The following ASXL3 variants were observed in gnomAD, a reference collection of about 807,000 sequenced individuals.
ASXL3 encodes the protein ASXL transcriptional regulator 3.
ASXL3 carries 34 observed loss-of-function variants against 170.6 expected under a neutral mutation model. The observed-to-expected ratio is 0.20, with a 90% CI of 0.15 to 0.27. The LOEUF (loss-of-function observed/expected upper bound fraction) is 0.27. ASXL3 is among the 10% of genes least tolerant of loss of function. The pLI, the probability that ASXL3 is intolerant of heterozygous loss-of-function variation, is 1.00. For synonymous variants in ASXL3, 1,002 were observed against 989.1 expected, an observed-to-expected ratio of 1.01 and a Z score of -0.24; for missense variants, 2,592 against 2,695.3, an observed-to-expected ratio of 0.96 and a Z score of 0.85.
chr18:33,730,463 G>A (rs1399754659), intron 8 of ASXL3, among the ~76,000 whole-genome samples: 1 of 152,064 alleles, frequency 6.6e-6, no homozygotes, highest in African/African-American at 2.4e-5. Context: ...CTAGCCATTG[G>A]GAACATAGCA....
At chr18:33,586,865 G>C (rs1358627291) in intron 1 of ASXL3, among the ~76,000 whole-genome samples, 1 of 152,116 alleles carries the variant, frequency 6.6e-6, no homozygotes, top group African/African-American at 2.4e-5. Flanking sequence ...GTCATGCATT[G>C]GGCAAAGAAG....
intron 5 of ASXL3, among the ~76,000 whole-genome samples, chr18:33,664,663 G>A (rs1052263860): frequency 6.6e-6 from 1 of 152,076 alleles, no homozygotes; most frequent in Non-Finnish European, 1.5e-5. Context: ...AATATGCCAG[G>A]CATAATTTCT....
chr18:33,733,309 T>G (rs1168951706), intron 9 of ASXL3, among the ~76,000 whole-genome samples: 2 of 152,140 alleles, frequency 1.3e-5, no homozygotes, highest in Admixed American at 1.3e-4. Context: ...TTCACGAGCT[T>G]CTCTTCCCTC....
At chr18:33,698,038 A>G (rs2066800704) in intron 8 of ASXL3, among the ~76,000 whole-genome samples, 1 of 152,090 alleles carries the variant, frequency 6.6e-6, no homozygotes, top group Non-Finnish European at 1.5e-5. Flanking sequence ...AAGAATATGT[A>G]CTATGGTATG....
chr18:33,719,851 C>T (rs1020125715), intron 8 of ASXL3, among the ~76,000 whole-genome samples: 2 of 152,006 alleles, frequency 1.3e-5, no homozygotes, highest in African/African-American at 4.8e-5. Context: ...GATTTTCTGG[C>T]CTCCGGAGGA....
chr18:33,626,947 C>A (rs2145163861), intron 2 of ASXL3: 1 of 153,062 alleles, frequency 6.5e-6, no homozygotes, highest in Non-Finnish European at 1.5e-5. Context: ...GGACAACTTT[C>A]CATGATGATT....
intron 2 of ASXL3, among the ~76,000 whole-genome samples, chr18:33,642,690 A>G (rs538224432): frequency 3.9e-5 from 6 of 152,082 alleles, no homozygotes; most frequent in African/African-American, 1.4e-4. Flanking sequence ...GTATAATTTA[A>G]TAATATATTC....
At chr18:33,730,082 A>G (rs2067417853) in intron 8 of ASXL3, among the ~76,000 whole-genome samples, 1 of 152,144 alleles carries the variant, frequency 6.6e-6, no homozygotes, top group Non-Finnish European at 1.5e-5. Flanking sequence ...CCACTAGTGC[A>G]GTTGTTCTCA....
At chr18:33,683,672 G>T in intron 8 of ASXL3, 104 bp downstream of exon 8, 1 of 1,167,812 alleles carries the variant, frequency 8.6e-7, no homozygotes, top group Non-Finnish European at 1.2e-6. Context: ...AGTAATTTCT[G>T]TAATTTATGC....
Position 33,738,679 on chromosome 18 carries a change from G to A in ASXL3, c.1275G>A (p.Met425Ile), listed in dbSNP as rs1330570133. The change falls in exon 11 of 12, where the codon ATG becomes ATA. Residue 425 changes from methionine (M) to isoleucine (I), a missense_variant. Physicochemically the swap from Met to Ile is conservative, Grantham distance 10 (BLOSUM62 1). Around this residue, in one of 4 missense-constraint regions of ASXL3, gnomAD observed 2,246 missense variants for 2,219.6 expected, o/e 1.01. Transcript: ENST00000269197. ...EPGFCATLCP[M>I]VEIPPKDIMA... ...GTTTCTGTGCTACTCTTTGCCCTAT[G>A]GTAGAAATTCCACCTAAAGATATAA... 1 of 1,613,766 alleles carries A rather than the reference G, an allele frequency of 6.2e-7. No individual in the cohort carries two copies. Among genetic ancestry groups the A allele is most frequent in the Non-Finnish European group, 8.5e-7 (1 of 1,179,866 alleles).
chr18:33,683,309 A>G lies in ASXL3; in HGVS notation c.716-96A>G, dbSNP rs1259812132. The G allele has an allele frequency of 9.4e-6, 10 of 1,061,498 alleles. No individual in the cohort carries two copies. In the East Asian group the frequency reaches 2.5e-4, roughly 26 times the overall value. The allele number at this position is 1,061,498 out of a possible 1,614,324, so 65.8% of individuals were successfully genotyped here. Reference sequence around the variant, plus strand: ...GAAGTAAACATAAAATTGAATATACATGTTCACTAGATATATGTGGCTGTG... The same window carrying G: ...GAAGTAAACATAAAATTGAATATACGTGTTCACTAGATATATGTGGCTGTG... On this transcript the variant is annotated intron_variant, in intron 7 of 11. Coordinates refer to ENST00000269197, the MANE Select transcript of ASXL3 (RefSeq NM_030632.3).
chr18:33,630,370 C>A (rs2065659694), intron 2 of ASXL3, among the ~76,000 whole-genome samples: 1 of 150,946 alleles, frequency 6.6e-6, no homozygotes, highest in South Asian at 2.1e-4. Flanking sequence ...TTTCAGTTTA[C>A]TACAGAAACC....
intron 10 of ASXL3, among the ~76,000 whole-genome samples, chr18:33,736,379 G>A (rs1349981038): frequency 4.0e-5 from 6 of 151,836 alleles, no homozygotes; most frequent in Non-Finnish European, 5.9e-5. Flanking sequence ...TAGCTTTTGT[G>A]CTCTCACATC....
intron 1 of ASXL3, among the ~76,000 whole-genome samples, chr18:33,594,155 A>G (rs1039675376): frequency 6.6e-6 from 1 of 152,190 alleles, no homozygotes; most frequent in Non-Finnish European, 1.5e-5. Flanking sequence ...GACCGAATAT[A>G]AGAGAACAAC....
intron 8 of ASXL3, among the ~76,000 whole-genome samples, chr18:33,697,695 C>T (rs2066794657): frequency 6.6e-6 from 1 of 152,008 alleles, no homozygotes; most frequent in South Asian, 2.1e-4. Context: ...GCAATTTTCT[C>T]ACACAGCTGA....
At chr18:33,696,801 A>C (rs752888636) in intron 8 of ASXL3, among the ~76,000 whole-genome samples, 5 of 152,130 alleles carry the variant, frequency 3.3e-5, no homozygotes, top group African/African-American at 4.8e-5. Flanking sequence ...TTCTATCCAA[A>C]GCCTAACTGA....
chr18:33,738,244 C>A (rs1380680104), intron 10 of ASXL3, among the ~76,000 whole-genome samples: 2 of 152,060 alleles, frequency 1.3e-5, no homozygotes, highest in African/African-American at 4.8e-5. Flanking sequence ...AGGCTCCTAT[C>A]TCCTTGCTTT....
At position 33,739,387 on chromosome 18, in the gene ASXL3, A is replaced by G; in HGVS notation, c.1983A>G (p.Lys661=). 6.2e-7 allele frequency: 1 copy of G among 1,613,850 alleles called. No individual in the cohort carries two copies. The part of the protein sequence containing the change: ...SEVSSTENTD[K]YNQRNSTDEN... ...TATCTAGCACTGAAAATACAGACAA[A>G]TACAACCAGAGAAATTCCACTGATG... The change falls in exon 11 of 12, where the codon AAA becomes AAG. Residue 661 remains lysine (K), a synonymous_variant. Coordinates refer to ENST00000269197, the MANE Select transcript of ASXL3 (RefSeq NM_030632.3).
chr18:33,607,757 A>G lies in ASXL3; in HGVS notation c.137+81A>G. ...GTTGCTAAGCGATAGGTGTATCTAG[A>G]TTTTGATATTGTAGTTGATTGTGAA... On this transcript the variant is annotated intron_variant, in intron 2 of 11. Coordinates refer to ENST00000269197, the MANE Select transcript of ASXL3 (RefSeq NM_030632.3). 1.9e-6 allele frequency: 2 copies of G among 1,033,450 alleles called. 1 individual carries two copies. The highest frequency in any genetic ancestry group is 4.7e-4 in the Middle Eastern group (2 of 4,220). The allele number at this position is 1,033,450 out of a possible 1,614,324, so 64.0% of individuals were successfully genotyped here.
Sources: gnomAD v4.1 joint callset for allele counts (sites outside exome capture counted in the v4.1 genomes callset) on GRCh38, gnomAD v4.1.1 for gene constraint, gnomAD v4.1.1 regional missense constraint, MANE v1.5 for transcripts, NCBI Gene and HGNC (gene_info 2026-07-23, HGNC 2026-07-21) for gene names.